The following DDX59 variants were observed in gnomAD, a reference collection of about 807,000 sequenced individuals.
DDX59 encodes the protein DEAD-box helicase 59.
Under a neutral mutation model 51.9 loss-of-function variants are expected in DDX59, and 30 were observed. The ratio of observed to expected loss-of-function variants is 0.58; its 90% CI spans 0.43 to 0.78. The LOEUF is 0.78. Among genes scored for constraint, DDX59 ranks in the 30% least tolerant of loss-of-function variants. The probability of loss-of-function intolerance (pLI) is 0.00; values close to 1 mark genes in which losing one functional copy is unlikely to be tolerated. For missense variants in DDX59, 672 were observed against 730.8 expected (o/e 0.92, Z 0.93); for synonymous variants, 255 against 253.3 (o/e 1.01, Z -0.06).
chr1:200,655,923 C>T (rs930258858), intron 4 of DDX59, among the ~76,000 whole-genome samples: 6 of 152,054 alleles, frequency 3.9e-5, no homozygotes, highest in Non-Finnish European at 7.4e-5. Context: ...CTCCACCTCC[C>T]GGGTTCAAGC....
In DDX59 at chr1:200,666,382, T is replaced by G. The variant is rs923621522; in HGVS notation, c.359A>C (p.Asp120Ala). The change falls in exon 2 of 8, where the codon GAT becomes GCT. Residue 120 changes from aspartate to alanine, a missense_variant. By Grantham distance (126) the Asp-to-Ala change is moderately radical (BLOSUM62 -2). Transcript: ENST00000331314. ...VCGRYGEYIC[D>A]KTDEDVCSLE... ...ACTACACACATCTTCATCTGTCTTA[T>G]CACAGATATACTCTCCATAACGACC... 2 of 1,614,216 alleles carry G rather than the reference T, an allele frequency of 1.2e-6. No individual in the cohort carries two copies. The highest frequency in any genetic ancestry group is 1.7e-6 in the Non-Finnish European group (2 of 1,180,032).
chr1:200,666,298 A>T lies in DDX59; in HGVS notation c.443T>A (p.Leu148His). Residue 148 changes from leucine (L) to histidine (H), a missense_variant, in exon 2 of 8, where the codon CTC becomes CAC. Coordinates refer to ENST00000331314, the MANE Select transcript of DDX59 (RefSeq NM_001031725.6). Reference protein sequence around the residue: ...QVKEKEEKSKLSNPQKADSEP... With the variant: ...QVKEKEEKSKHSNPQKADSEP... Reference sequence around the variant, plus strand: ...AGAATCAGCCTTCTGTGGATTGCTGAGTTTTGATTTCTCTTCCTTTTCCTT... The same window carrying T: ...AGAATCAGCCTTCTGTGGATTGCTGTGTTTTGATTTCTCTTCCTTTTCCTT... 1 of 1,614,154 alleles carries T rather than the reference A, an allele frequency of 6.2e-7. No individual in the cohort carries two copies. Among genetic ancestry groups the T allele is most frequent in the Non-Finnish European group, 8.5e-7 (1 of 1,180,026 alleles).
intron 7 of DDX59, 96 bp downstream of exon 7, chr1:200,648,343 G>C: frequency 6.5e-7 from 1 of 1,538,616 alleles, no homozygotes. Context: ...CACTGTCCTG[G>C]CCGATACTGC....
intron 7 of DDX59, among the ~76,000 whole-genome samples, chr1:200,647,999 A>C (rs967916063): frequency 1.6e-4 from 21 of 133,212 alleles, no homozygotes; most frequent in Non-Finnish European, 2.9e-4. Context: ...TAAAAGCAAA[A>C]ATACATACAG....
In DDX59 at chr1:200,652,842, G is replaced by A. The variant is rs561937698; in HGVS notation, c.1063-2166C>T. On this transcript the variant is annotated intron_variant, in intron 4 of 7. Coordinates refer to ENST00000331314, the MANE Select transcript of DDX59 (RefSeq NM_001031725.6). ...ACCACAGGCATGTGCCACCGTGCCC[G>A]GCTAATTTTTGGTATTTTTTTTTGC... Among the ~76,000 whole-genome samples the A allele has an allele frequency of 1.3e-4, 20 of 151,918 alleles. 1 individual carries two copies. In the South Asian group the frequency reaches 2.5e-3, roughly 19 times the overall value.
At chr1:200,668,960 A>G (rs140800696) in intron 1 of DDX59, among the ~76,000 whole-genome samples, 1 of 152,306 alleles carries the variant, frequency 6.6e-6, no homozygotes, top group African/African-American at 2.4e-5. Context: ...TCTTAAATGT[A>G]TTTGATGTCT....
In DDX59 at chr1:200,644,346, G is replaced by A; in HGVS notation, c.1768C>T (p.Gln590Ter). The stretch of plus-strand genomic sequence containing the variant: ...TCATTCTGTGTCTGTTTATCTTTCT[G>A]TTGTTCCTTTCTCTTCTGGTCATGA... The part of the protein sequence containing the change: ...YLHDQKRKEQ[Q>*]KDKQTQNDLV... Residue 590 changes from glutamine (Q) to a stop codon, truncating the protein, a stop_gained, in exon 8 of 8, where the codon CAG becomes TAG. Coordinates refer to ENST00000331314, the MANE Select transcript of DDX59 (RefSeq NM_001031725.6). LOFTEE classifies it high-confidence loss of function. 6.2e-7 allele frequency: 1 copy of A among 1,613,734 alleles called. No homozygotes were observed. Among genetic ancestry groups the A allele is most frequent in the East Asian group, 2.2e-5 (1 of 44,832 alleles).
downstream of DDX59, among the ~76,000 whole-genome samples, chr1:200,642,669 G>A (rs1335971697): frequency 6.6e-6 from 1 of 152,200 alleles, no homozygotes; most frequent in Non-Finnish European, 1.5e-5. Flanking sequence ...ACAGGAGTCT[G>A]AAAATTGTGT....
At chr1:200,651,714 A>C (rs1464965686) in intron 4 of DDX59, among the ~76,000 whole-genome samples, 1 of 152,180 alleles carries the variant, frequency 6.6e-6, no homozygotes, top group East Asian at 1.9e-4. Context: ...ATTTTTTTAA[A>C]GTTAGTGCTG....
chr1:200,644,811 G>A (rs1661191270), intron 7 of DDX59, among the ~76,000 whole-genome samples: 3 of 146,982 alleles, frequency 2.0e-5, no homozygotes, highest in South Asian at 4.3e-4. Context: ...CAAAAGAATC[G>A]CTTGAACCCA....
chr1:200,644,225 A>T lies in DDX59; in HGVS notation c.*29T>A, dbSNP rs745481478. On this transcript the variant is annotated 3_prime_UTR_variant, in exon 8 of 8. Transcript: ENST00000331314. The stretch of plus-strand genomic sequence containing the variant: ...TAATTTTTTGCTGACTATATACAAT[A>T]AAAAAAAATATTCAAGTGGCAGAGA... The T allele has an allele frequency of 2.9e-6, 4 of 1,358,758 alleles. No individual in the cohort carries two copies. The East Asian group carries it at 1.1e-4, about 36-fold the overall frequency. 84.2% of individuals were successfully genotyped at this position (1,358,758 alleles called of 1,614,324 possible). A position where few individuals can be genotyped will look rare whatever the true frequency, so the allele number is the denominator to read the frequency against.
chr1:200,654,455 T>TAG (rs560775284), intron 4 of DDX59: 247 of 152,094 alleles, frequency 1.6e-3, no homozygotes, highest in African/African-American at 5.5e-3. Context: ...AATGAGTTTG[T>TAG]AGAGATTCCT....
chr1:200,665,040 T>C (rs1169979534), intron 2 of DDX59, among the ~76,000 whole-genome samples: 2 of 152,208 alleles, frequency 1.3e-5, no homozygotes, highest in Middle Eastern at 3.2e-3. Flanking sequence ...CATCAGTACT[T>C]GGGAAATAGT....
In DDX59 at chr1:200,669,862, C is replaced by G. The variant is rs12731153; in HGVS notation, c.-107G>C. On this transcript the variant is annotated 5_prime_UTR_variant, in exon 1 of 8. Coordinates refer to ENST00000331314, the MANE Select transcript of DDX59 (RefSeq NM_001031725.6). ...AGGCTTCCGCCCGACAAGCCCTGACCCGCTCGTCAGGACTGCGGCCCGGGG... is the reference window on the plus strand; with the variant it reads ...AGGCTTCCGCCCGACAAGCCCTGACGCGCTCGTCAGGACTGCGGCCCGGGG... 5.3e-5 allele frequency: 8 copies of G among 152,094 alleles called. No individual in the cohort carries two copies. Among genetic ancestry groups the G allele is most frequent in the Admixed American group, 3.3e-4 (5 of 15,260 alleles). 9.4% of individuals were successfully genotyped at this position (152,094 alleles called of 1,614,324 possible). A position where few individuals can be genotyped will look rare whatever the true frequency, so the allele number is the denominator to read the frequency against.
At chr1:200,643,805 CATTTCAT>C (rs1449565510), downstream of DDX59, among the ~76,000 whole-genome samples, 1 of 152,052 alleles carries the variant, frequency 6.6e-6, no homozygotes, top group Non-Finnish European at 1.5e-5. Flanking sequence ...TGAAAGTAGA[CATTTCAT>C]ATTTATCTTT....
At chr1:200,653,481 G>A (rs544749662) in intron 4 of DDX59, among the ~76,000 whole-genome samples, 1 of 152,136 alleles carries the variant, frequency 6.6e-6, no homozygotes, top group East Asian at 1.9e-4. Flanking sequence ...AAGACTGCTC[G>A]CAATCCCGTC....
chr1:200,645,184 G>A (rs1035518956), intron 7 of DDX59, among the ~76,000 whole-genome samples: 3 of 152,144 alleles, frequency 2.0e-5, no homozygotes, highest in African/African-American at 7.2e-5. Flanking sequence ...AATTCTGAAA[G>A]CCCCTGCATT....
At chr1:200,653,466 T>C (rs750142516) in intron 4 of DDX59, among the ~76,000 whole-genome samples, 8 of 152,180 alleles carry the variant, frequency 5.3e-5, no homozygotes, top group Non-Finnish European at 8.8e-5. Flanking sequence ...CCAACTCATA[T>C]TTGCAAGACT....
chr1:200,668,126 G>A (rs1359229042), intron 1 of DDX59, among the ~76,000 whole-genome samples: 1 of 151,924 alleles, frequency 6.6e-6, no homozygotes, highest in Admixed American at 6.6e-5. Context: ...GTGAAACCCC[G>A]TCTCTATTAA....
Sources: allele counts gnomAD v4.1 joint callset (sites outside exome capture counted in the v4.1 genomes callset), GRCh38; gene constraint gnomAD v4.1.1; transcripts MANE v1.5; gene names NCBI Gene and HGNC (gene_info 2026-07-23, HGNC 2026-07-21).